The following MAST4 variants were observed in gnomAD, a reference collection of about 807,000 sequenced individuals.
The protein encoded by MAST4 is microtubule-associated serine/threonine-protein kinase 4.
A neutral mutation model predicts 162.7 loss-of-function variants in MAST4; 89 were observed. That is an observed-to-expected ratio of 0.55 (90% CI 0.46 to 0.65). MAST4 has a LOEUF of 0.65. Among genes scored for constraint, MAST4 ranks in the 30% least tolerant of loss-of-function variants. MAST4 has a pLI of 0.00. For synonymous variants in MAST4, 1,479 were observed against 1,361.1 expected, an observed-to-expected ratio of 1.09 and a Z score of -1.91; for missense variants, 3,153 against 3,374.0, an observed-to-expected ratio of 0.93 and a Z score of 1.62.
chr5:66,887,203 A>G (rs544229240), intron 3 of MAST4, among the ~76,000 whole-genome samples: 1 of 152,322 alleles, frequency 6.6e-6, no homozygotes, highest in African/African-American at 2.4e-5. Flanking sequence ...CCTCCCAAAT[A>G]TATTTTAAAA....
At chr5:66,830,415 G>A (rs1349254340) in intron 3 of MAST4, among the ~76,000 whole-genome samples, 1 of 151,972 alleles carries the variant, frequency 6.6e-6, no homozygotes, top group Non-Finnish European at 1.5e-5. Context: ...TAAAATAATG[G>A]AGCTATTTTC....
chr5:66,749,171 G>C (rs114045523), intron 1 of MAST4, among the ~76,000 whole-genome samples: 1 of 152,046 alleles, frequency 6.6e-6, no homozygotes, highest in Admixed American at 6.5e-5. Context: ...AGTATCACTT[G>C]TTACTGAGTG....
rs1182198273 is a variant in MAST4 at position 67,136,494 on chromosome 5, T to C, written c.2393-69T>C. On this transcript the variant is annotated intron_variant, in intron 18 of 28. Transcript: ENST00000403625. ...GCCTTTCTGACAAATTCCCAGGTGA[T>C]GTCCATGTTGCTGGGACCTGGACCC... 4 of 1,136,640 alleles carry C rather than the reference T, an allele frequency of 3.5e-6. No homozygotes were observed. In the Admixed American group the frequency reaches 8.0e-5, roughly 23 times the overall value. The allele number at this position is 1,136,640 out of a possible 1,614,324, so 70.4% of individuals were successfully genotyped here. A position where few individuals can be genotyped will look rare whatever the true frequency, so the allele number is the denominator to read the frequency against.
At chr5:67,158,504 G>A (rs1237412458) in intron 26 of MAST4, among the ~76,000 whole-genome samples, 5 of 151,920 alleles carry the variant, frequency 3.3e-5, no homozygotes, top group Admixed American at 6.6e-5. Context: ...CCAGGAGTTC[G>A]AGGCTGTGGT....
chr5:66,868,996 A>T (rs1220860005), intron 3 of MAST4, among the ~76,000 whole-genome samples: 1 of 152,190 alleles, frequency 6.6e-6, no homozygotes, highest in Non-Finnish European at 1.5e-5. Flanking sequence ...CCACAGGCCC[A>T]GGATTTAGTT....
At chr5:66,883,648 C>T (rs1277979750) in intron 3 of MAST4, among the ~76,000 whole-genome samples, 1 of 151,942 alleles carries the variant, frequency 6.6e-6, no homozygotes, top group Non-Finnish European at 1.5e-5. Flanking sequence ...AGGCTGGCCT[C>T]GAACTCCTGA....
chr5:67,038,277 T>A (rs989625106), intron 4 of MAST4, among the ~76,000 whole-genome samples: 1 of 151,574 alleles, frequency 6.6e-6, no homozygotes, highest in Non-Finnish European at 1.5e-5. Flanking sequence ...TTGTCAAATC[T>A]TAGGTAGACT....
At chr5:66,819,962 TA>T (rs1185573294) in intron 3 of MAST4, among the ~76,000 whole-genome samples, 7 of 107,594 alleles carry the variant, frequency 6.5e-5, no homozygotes, top group African/African-American at 2.3e-4. Context: ...TTTTTTCTTT[TA>T]ATTTTTTTTT....
chr5:66,705,728 A>G (rs1750087678), intron 1 of MAST4, among the ~76,000 whole-genome samples: 1 of 152,200 alleles, frequency 6.6e-6, no homozygotes, highest in Non-Finnish European at 1.5e-5. Flanking sequence ...CCCTTACCAT[A>G]TATTCATTTT....
Position 66,851,966 on chromosome 5 carries a change from G to A in MAST4, c.643-47985G>A, listed in dbSNP as rs114232845. ...TTATCTGACATTAGCTAAACTCCCA[G>A]TATATTTAATGAATAGTAATTTCCA... is the stretch of plus-strand genomic sequence containing the variant. On this transcript the variant is annotated intron_variant, in intron 3 of 28. Coordinates refer to ENST00000403625, the MANE Select transcript of MAST4 (RefSeq NM_001164664.2). Among the ~76,000 whole-genome samples, 1,032 of 152,244 alleles carry A rather than the reference G, an allele frequency of 6.8e-3. 10 individuals are homozygous for A. Among genetic ancestry groups the A allele is most frequent in the African/African-American group, 0.024 (989 of 41,542 alleles).
chr5:67,094,739 G>T (rs1764246022), intron 6 of MAST4, among the ~76,000 whole-genome samples: 1 of 152,084 alleles, frequency 6.6e-6, no homozygotes, highest in African/African-American at 2.4e-5. Flanking sequence ...ACTCATCTGA[G>T]ACCCTTGTAA....
chr5:67,146,752 T>C (rs1323659268), intron 23 of MAST4, among the ~76,000 whole-genome samples: 1 of 152,234 alleles, frequency 6.6e-6, no homozygotes, highest in Non-Finnish European at 1.5e-5. Flanking sequence ...AGTTCTGTTT[T>C]CATGTTGCGT....
At position 67,164,442 on chromosome 5, in the gene MAST4, T is replaced by A. The variant is rs757379505; in HGVS notation, c.5263T>A (p.Phe1755Ile). 3 of 1,613,976 alleles carry A rather than the reference T, an allele frequency of 1.9e-6. No homozygotes were observed. The African/African-American group carries it at 4.0e-5, about 22-fold the overall frequency. ...TGCAGCTCAGATGAGTGCCGTCTCTTTTGTTCCCCTCAAGGCCTTAACAGG... is the reference window on the plus strand; with the variant it reads ...TGCAGCTCAGATGAGTGCCGTCTCTATTGTTCCCCTCAAGGCCTTAACAGG... ...THAAQMSAVS[F>I]VPLKALTGRV... The change falls in exon 29 of 29, where the codon TTT becomes ATT. Residue 1755 changes from phenylalanine (F) to isoleucine (I), a missense_variant. This residue lies in a region of MAST4 where 1,644 missense variants were observed against 1,495.0 expected (regional missense o/e 1.10). Transcript: ENST00000403625. This position sits in a 1 kb window ranked among gnomAD's most constrained non-coding sequence, Gnocchi z 5.3.
At chr5:66,622,163 C>T (rs997124981) in intron 1 of MAST4, among the ~76,000 whole-genome samples, 5 of 151,792 alleles carry the variant, frequency 3.3e-5, no homozygotes, top group Admixed American at 6.6e-5. Flanking sequence ...ACAGCATGGT[C>T]GAGGAAGATG....
Position 67,074,354 on chromosome 5 carries a change from T to G in MAST4, c.764-15808T>G, listed in dbSNP as rs150597806. 2.2e-4 allele frequency among the ~76,000 whole-genome samples: 34 copies of G among 152,288 alleles called. No individual in the cohort carries two copies. The East Asian group carries it at 5.2e-3, about 23-fold the overall frequency. On this transcript the variant is annotated intron_variant, in intron 5 of 28. Coordinates refer to ENST00000403625, the MANE Select transcript of MAST4 (RefSeq NM_001164664.2). ...TATTTTCACTACATTAATGTAAATT[T>G]ACAATGGTTTTAGCGAGCAGCTTGA...
intron 2 of MAST4, among the ~76,000 whole-genome samples, chr5:66,770,547 A>G (rs1580410482): frequency 2.0e-5 from 3 of 152,162 alleles, no homozygotes; most frequent in Admixed American, 2.0e-4. Flanking sequence ...AGTGGCCACC[A>G]CCTTGTTCAG....
At chr5:66,778,683 G>A (rs1050419306) in intron 2 of MAST4, among the ~76,000 whole-genome samples, 1 of 152,166 alleles carries the variant, frequency 6.6e-6, no homozygotes, top group African/African-American at 2.4e-5. Context: ...AAGAGTAACA[G>A]GGTGGCTATC....
At chr5:66,975,608 AAC>A (rs1561495656) in intron 4 of MAST4, among the ~76,000 whole-genome samples, 1 of 152,184 alleles carries the variant, frequency 6.6e-6, no homozygotes, top group Non-Finnish European at 1.5e-5. Flanking sequence ...GTAAGGTAGA[AAC>A]ACAAGGGCAT....
rs114544957 is a variant in MAST4 at position 66,937,397 on chromosome 5, C to T, written c.674+37415C>T. 6.5e-3 allele frequency among the ~76,000 whole-genome samples: 984 copies of T among 152,222 alleles called. 7 individuals carry two copies. The highest frequency in any genetic ancestry group is 0.022 in the African/African-American group (915 of 41,522). On this transcript the variant is annotated intron_variant, in intron 4 of 28. Coordinates refer to ENST00000403625, the MANE Select transcript of MAST4 (RefSeq NM_001164664.2). ...CTCCAAGACCTCAAAGTATATGGCACCTAGTAGGCATGGAACAAATGTTAA... is the reference window on the plus strand; with the variant it reads ...CTCCAAGACCTCAAAGTATATGGCATCTAGTAGGCATGGAACAAATGTTAA...
Sources: gnomAD v4.1 joint callset for allele counts (sites outside exome capture counted in the v4.1 genomes callset) on GRCh38, gnomAD v4.1.1 for gene constraint, gnomAD v4.1.1 regional missense constraint, Gnocchi (gnomAD v3.1) non-coding constraint, MANE v1.5 for transcripts, NCBI Gene and HGNC (gene_info 2026-07-23, HGNC 2026-07-21) for gene names.